The following CCDC13 variants were observed in gnomAD, a reference collection of about 807,000 sequenced individuals.
CCDC13 encodes the protein coiled-coil domain containing 13, also known as coiled-coil domain-containing protein 13.
Under a neutral mutation model 87.3 loss-of-function variants are expected in CCDC13, and 70 were observed. The observed-to-expected ratio is 0.80, with a 90% CI of 0.66 to 0.98. The LOEUF is 0.98. CCDC13 is among the 50% of genes least tolerant of loss of function. The pLI, the probability that CCDC13 is intolerant of heterozygous loss-of-function variation, is 0.00. For missense variants in CCDC13, 842 were observed against 892.0 expected (o/e 0.94, Z 0.71); for synonymous variants, 317 against 360.3 (o/e 0.88, Z 1.36).
At chr3:42,730,270 G>A (rs1698792098) in intron 13 of CCDC13, among the ~76,000 whole-genome samples, 197 bp downstream of exon 13, 1 of 152,030 alleles carries the variant, frequency 6.6e-6, no homozygotes, top group African/African-American at 2.4e-5. Context: ...GTAGAATGGG[G>A]CTGTTCCTAA....
intron 7 of CCDC13, among the ~76,000 whole-genome samples, chr3:42,743,544 A>AGCAGCTGGGACCACAGGCACAG (rs1233271143): frequency 1.5e-5 from 2 of 135,496 alleles, no homozygotes; most frequent in South Asian, 2.4e-4. Context: ...CAGCCTCCTA[A>AGCAGCTGGGACCACAGGCACAG]GCAGCTGGGA....
downstream of CCDC13, chr3:42,704,815 G>A (rs534309686): frequency 2.0e-5 from 3 of 152,400 alleles, no homozygotes; most frequent in African/African-American, 7.2e-5. Context: ...CTTGGCCCTG[G>A]GGCCAGCTTC....
At chr3:42,751,848 G>A (rs73829287) in intron 5 of CCDC13, 88 bp downstream of exon 5, 23,537 of 1,227,958 alleles carry the variant, frequency 0.019, 1,247 homozygotes, top group East Asian at 0.19. Flanking sequence ...GTGGACCTCG[G>A]GTAGAGGTAC....
At chr3:42,771,240 A>G (rs778667401) in intron 1 of CCDC13, among the ~76,000 whole-genome samples, 8 of 152,240 alleles carry the variant, frequency 5.3e-5, no homozygotes, top group Non-Finnish European at 8.8e-5. Flanking sequence ...CAAACTGTAT[A>G]ATATTCTGAA....
At chr3:42,716,368 AC>A (rs1337294167) in intron 13 of CCDC13, among the ~76,000 whole-genome samples, 15 of 152,354 alleles carry the variant, frequency 9.8e-5, no homozygotes, top group Non-Finnish European at 2.1e-4. Flanking sequence ...CTATAAGTTT[AC>A]AAAAAACTTG....
intron 13 of CCDC13, 128 bp from the exon 14 acceptor site, chr3:42,713,444 T>C (rs1698360773): frequency 1.1e-6 from 1 of 870,086 alleles, no homozygotes; most frequent in Non-Finnish European, 1.8e-6. Context: ...TTCATTTTCA[T>C]TGCAGTAACA....
rs1559633264 is a variant in CCDC13, at chr3:42,708,837, C to T, written c.*143G>A. ...GGCCTGAGACATTGGTTTTGGTCAT[C>T]CTTAAGGAGCCTCTTCTGGTAGAAG... On this transcript the variant is annotated 3_prime_UTR_variant, in exon 16 of 16. Coordinates refer to ENST00000310232, the MANE Select transcript of CCDC13 (RefSeq NM_144719.4). The T allele has an allele frequency of 3.5e-6, 3 of 845,844 alleles. No homozygotes were observed. Among genetic ancestry groups the T allele is most frequent in the East Asian group, 5.5e-5 (2 of 36,052 alleles). The allele number at this position is 845,844 out of a possible 1,614,324, so 52.4% of individuals were successfully genotyped here.
intron 15 of CCDC13, 88 bp downstream of exon 15, chr3:42,709,596 G>T (rs1363382799): frequency 9.5e-7 from 1 of 1,055,092 alleles, no homozygotes; most frequent in Non-Finnish European, 1.5e-6. Flanking sequence ...AGTCAAAAGT[G>T]CAAGGGGAGG....
chr3:42,771,343 G>A (rs1421856315), intron 1 of CCDC13, among the ~76,000 whole-genome samples: 1 of 152,088 alleles, frequency 6.6e-6, no homozygotes, highest in African/African-American at 2.4e-5. Context: ...TGGTGGGAAG[G>A]AACAATGAAC....
intron 13 of CCDC13, among the ~76,000 whole-genome samples, chr3:42,725,533 C>CAAAAAA (rs56224625): frequency 4.4e-5 from 4 of 91,498 alleles, no homozygotes; most frequent in Non-Finnish European, 8.5e-5. Context: ...GACCCTGTCT[C>CAAAAAA]AAAAAAAAAA....
At chr3:42,747,538 G>A (rs866875746) in intron 5 of CCDC13, among the ~76,000 whole-genome samples, 165 bp from the exon 6 acceptor site, 1 of 152,218 alleles carries the variant, frequency 6.6e-6, no homozygotes, top group African/African-American at 2.4e-5. Flanking sequence ...TCTCTTGTAA[G>A]CCCCTTATAG....
intron 3 of CCDC13, among the ~76,000 whole-genome samples, chr3:42,755,465 G>A (rs1251706923): frequency 6.6e-6 from 1 of 152,162 alleles, no homozygotes; most frequent in Non-Finnish European, 1.5e-5. Flanking sequence ...AAATTAGCTG[G>A]GTGTGGTGGC....
At chr3:42,768,697 TAA>T (rs56318907) in intron 1 of CCDC13, among the ~76,000 whole-genome samples, 2 of 151,346 alleles carry the variant, frequency 1.3e-5, no homozygotes, top group African/African-American at 2.4e-5. Context: ...ACTCAAAAAA[TAA>T]AAAAAAATAA....
At position 42,757,466 on chromosome 3, in the gene CCDC13, C is replaced by T. The variant is rs567604699; in HGVS notation, c.222-252G>A. Reference sequence around the variant, plus strand: ...TATATTACAGGGCTGGGTGTGGTGGCTCATGCCTCTAATCCCAGCACTTTG... The same window carrying T: ...TATATTACAGGGCTGGGTGTGGTGGTTCATGCCTCTAATCCCAGCACTTTG... On this transcript the variant is annotated intron_variant, in intron 2 of 15. Transcript: ENST00000310232. Among the ~76,000 whole-genome samples the T allele has an allele frequency of 5.9e-5, 9 of 152,362 alleles. No homozygotes were observed. In the South Asian group the frequency reaches 1.9e-3, roughly 32 times the overall value.
chr3:42,727,466 AG>A (rs1698717581), intron 13 of CCDC13, among the ~76,000 whole-genome samples: 1 of 152,316 alleles, frequency 6.6e-6, no homozygotes, highest in East Asian at 1.9e-4. Context: ...ACTGAACTAA[AG>A]GGCATCTCAG....
chr3:42,729,237 G>A (rs1486600394), intron 13 of CCDC13, among the ~76,000 whole-genome samples: 1 of 152,186 alleles, frequency 6.6e-6, no homozygotes, highest in Non-Finnish European at 1.5e-5. Context: ...GAGAAAGCCT[G>A]CATTGAGTAT....
In CCDC13 at chr3:42,709,079, C is replaced by T. The variant is rs1698241034; in HGVS notation, c.2049G>A (p.Arg683=). Residue 683 remains arginine (R), a synonymous_variant, in exon 16 of 16, where the codon CGG becomes CGA. Transcript: ENST00000310232. ...ACATCCGGAAGTCCTCCTCCTTTCC[C>T]CGCAGGGCACTGCCCAGGGCAGCCT... The part of the protein sequence containing the change: ...MLKAALGSAL[R]GKEEDFRMYH... 1 of 1,613,974 alleles carries T rather than the reference C, an allele frequency of 6.2e-7. No individual in the cohort carries two copies. The highest frequency in any genetic ancestry group is 1.3e-5 in the African/African-American group (1 of 75,060).
chr3:42,733,740 C>T (rs915744347), intron 10 of CCDC13, 131 bp from the exon 11 acceptor site: 20 of 1,180,300 alleles, frequency 1.7e-5, no homozygotes, highest in East Asian at 1.4e-4. Context: ...GAGTGAAAAG[C>T]GAGGCCTGTT....
intron 5 of CCDC13, among the ~76,000 whole-genome samples, chr3:42,749,375 G>T (rs553392052): frequency 2.6e-5 from 4 of 152,372 alleles, no homozygotes; most frequent in African/African-American, 9.6e-5. Context: ...CATACAGATT[G>T]GATCTGGCTC....
Sources: allele counts gnomAD v4.1 joint callset (sites outside exome capture counted in the v4.1 genomes callset), GRCh38; gene constraint gnomAD v4.1.1; transcripts MANE v1.5; gene names NCBI Gene and HGNC (gene_info 2026-07-23, HGNC 2026-07-21).